The following GRIN2B variants were observed in gnomAD, a reference collection of about 807,000 sequenced individuals.
GRIN2B encodes glutamate receptor ionotropic, NMDA 2B.
Under a neutral mutation model 114.5 loss-of-function variants are expected in GRIN2B, and 5 were observed. That is an observed-to-expected ratio of 0.04 (90% CI 0.02 to 0.09). The LOEUF (loss-of-function observed/expected upper bound fraction) is 0.09, where lower values mean the gene tolerates loss of function less well. Among genes scored for constraint, GRIN2B ranks in the 10% least tolerant of loss-of-function variants. GRIN2B has a pLI of 1.00. For synonymous variants in GRIN2B, 787 were observed against 745.1 expected, an observed-to-expected ratio of 1.06 and a Z score of -0.92; for missense variants, 1,108 against 1,943.5, an observed-to-expected ratio of 0.57 and a Z score of 8.08.
chr12:13,612,779 C>G (rs1306847784), intron 8 of GRIN2B, among the ~76,000 whole-genome samples: 1 of 152,164 alleles, frequency 6.6e-6, no homozygotes, highest in Non-Finnish European at 1.5e-5. Context: ...TAAAAAGGGA[C>G]AATCACTATT....
At chr12:13,567,706 A>G (rs1485787475) in intron 12 of GRIN2B, among the ~76,000 whole-genome samples, 1 of 152,140 alleles carries the variant, frequency 6.6e-6, no homozygotes, top group African/African-American at 2.4e-5. Flanking sequence ...ATTTTAATTT[A>G]CATTGTACAA....
At chr12:13,735,991 G>C (rs7303029) in intron 4 of GRIN2B, among the ~76,000 whole-genome samples, 123,317 of 151,934 alleles carry the variant, frequency 0.81, 50,366 homozygotes, top group African/African-American at 0.88. Flanking sequence ...ACGGGATTCA[G>C]AAGATTTCCA....
intron 2 of GRIN2B, among the ~76,000 whole-genome samples, chr12:13,899,874 T>A (rs1866413693): frequency 9.4e-6 from 1 of 106,026 alleles, no homozygotes. Flanking sequence ...ACCATAGTCT[T>A]TGAGTCTATG....
intron 2 of GRIN2B, among the ~76,000 whole-genome samples, chr12:13,919,480 A>G (rs1346095344): frequency 1.3e-5 from 2 of 152,216 alleles, no homozygotes; most frequent in Non-Finnish European, 2.9e-5. Context: ...GAATGACCTC[A>G]ACGTTCTAGA....
chr12:13,932,903 G>A (rs11055688), intron 2 of GRIN2B, among the ~76,000 whole-genome samples: 8,875 of 151,800 alleles, frequency 0.058, 935 homozygotes, highest in East Asian at 0.41. Flanking sequence ...TTCTTCATTG[G>A]TATTCCAAAA....
At chr12:13,900,075 G>A (rs1383794212) in intron 2 of GRIN2B, among the ~76,000 whole-genome samples, 1 of 152,098 alleles carries the variant, frequency 6.6e-6, no homozygotes, top group Non-Finnish European at 1.5e-5. Flanking sequence ...CATATTTCAA[G>A]AACACTCTCA....
intron 3 of GRIN2B, among the ~76,000 whole-genome samples, chr12:13,836,957 T>C (rs1425584213): frequency 6.6e-6 from 1 of 152,176 alleles, no homozygotes; most frequent in Non-Finnish European, 1.5e-5. Flanking sequence ...ACAATAATAA[T>C]AGAAGCAGAT....
At chr12:13,813,363 A>G (rs1475666131) in intron 3 of GRIN2B, among the ~76,000 whole-genome samples, 1 of 152,200 alleles carries the variant, frequency 6.6e-6, no homozygotes, top group African/African-American at 2.4e-5. Context: ...TGAGGCAAAA[A>G]TCGGAACCAG....
intron 4 of GRIN2B, among the ~76,000 whole-genome samples, chr12:13,737,760 G>A (rs1863211551): frequency 6.6e-6 from 1 of 152,182 alleles, no homozygotes; most frequent in Admixed American, 6.5e-5. Flanking sequence ...GTACCTGGAG[G>A]TTCTGCCATG....
intron 3 of GRIN2B, among the ~76,000 whole-genome samples, chr12:13,788,149 G>A (rs1046411941): frequency 1.3e-5 from 2 of 152,136 alleles, no homozygotes. Flanking sequence ...AGTGGGAGAG[G>A]TCTAAATATA....
At chr12:13,628,109 A>G (rs1016952340) in intron 5 of GRIN2B, among the ~76,000 whole-genome samples, 10 of 152,236 alleles carry the variant, frequency 6.6e-5, no homozygotes, top group African/African-American at 9.6e-5. Flanking sequence ...TGCAGAGAAC[A>G]GTATCAGGCA....
chr12:13,804,420 C>T (rs932169982), intron 3 of GRIN2B, among the ~76,000 whole-genome samples: 4 of 152,036 alleles, frequency 2.6e-5, no homozygotes, highest in African/African-American at 9.7e-5. Flanking sequence ...TCACTATGAT[C>T]AACCCCATCT....
chr12:13,649,357 T>A (rs1949793896), intron 5 of GRIN2B, among the ~76,000 whole-genome samples: 1 of 152,096 alleles, frequency 6.6e-6, no homozygotes, highest in African/African-American at 2.4e-5. Context: ...CCTTCTTCTT[T>A]CCTTTTAGCA....
intron 4 of GRIN2B, among the ~76,000 whole-genome samples, chr12:13,692,088 A>G (rs1478231368): frequency 6.6e-6 from 1 of 152,220 alleles, no homozygotes; most frequent in Admixed American, 6.5e-5. Context: ...GAGAAAAATC[A>G]TTAAGTGAGG....
At chr12:13,747,540 C>A (rs1281533918) in intron 4 of GRIN2B, among the ~76,000 whole-genome samples, 2 of 152,168 alleles carry the variant, frequency 1.3e-5, no homozygotes, top group Non-Finnish European at 2.9e-5. Flanking sequence ...CCTCTATATA[C>A]AGGTGTGTGT....
intron 3 of GRIN2B, among the ~76,000 whole-genome samples, chr12:13,842,131 T>TGG (rs1865390120): frequency 6.6e-6 from 1 of 152,166 alleles, no homozygotes; most frequent in Non-Finnish European, 1.5e-5. Flanking sequence ...GTATGGGTCA[T>TGG]GGGACATCAG....
intron 3 of GRIN2B, among the ~76,000 whole-genome samples, chr12:13,771,694 TC>T (rs1481549281): frequency 2.0e-5 from 3 of 152,236 alleles, no homozygotes; most frequent in African/African-American, 7.2e-5. Flanking sequence ...CACAGTAACT[TC>T]CCTGGTTCAT....
chr12:13,798,568 T>A (rs920253854), intron 3 of GRIN2B, among the ~76,000 whole-genome samples: 3 of 152,240 alleles, frequency 2.0e-5, no homozygotes, highest in Admixed American at 1.3e-4. Context: ...ATGTTTGATA[T>A]GCTTATTATC....
At chr12:13,712,418 G>A (rs1950423081) in intron 4 of GRIN2B, among the ~76,000 whole-genome samples, 1 of 150,812 alleles carries the variant, frequency 6.6e-6, no homozygotes, top group Admixed American at 6.6e-5. Flanking sequence ...TATTATTAAT[G>A]AAAGAAAAAA....
Sources: allele counts gnomAD v4.1 joint callset (sites outside exome capture counted in the v4.1 genomes callset), GRCh38; gene constraint gnomAD v4.1.1; transcripts MANE v1.5; gene names NCBI Gene and HGNC (gene_info 2026-07-23, HGNC 2026-07-21).